The following DHX8 variants were observed in gnomAD, a reference collection of about 807,000 sequenced individuals.
DHX8 encodes the protein DEAH-box helicase 8.
In DHX8, 67 loss-of-function variants were observed where a neutral mutation model predicts 140.7. The observed-to-expected ratio is 0.48, with a 90% CI of 0.39 to 0.58. DHX8 has a LOEUF of 0.58. Among genes scored for constraint, DHX8 ranks in the 20% least tolerant of loss-of-function variants. DHX8 has a pLI of 0.00. For synonymous variants in DHX8, 533 were observed against 553.2 expected, an observed-to-expected ratio of 0.96 and a Z score of 0.51; for missense variants, 887 against 1,550.7, an observed-to-expected ratio of 0.57 and a Z score of 7.19.
Position 43,492,919 on chromosome 17 carries a change from A to G in DHX8, c.742A>G (p.Arg248Gly). Reference protein sequence around the residue: ...RDKYGERNLDRWRDKHVDRPP... With the variant: ...RDKYGERNLDGWRDKHVDRPP... ...CAAATATGGAGAGCGGAATCTGGAT[A>G]GATGGCGGGATAAGCATGTGGACCG... Residue 248 changes from arginine to glycine, a missense_variant, in exon 6 of 23, where the codon AGA becomes GGA. Physicochemically the swap from Arg to Gly is moderately radical, Grantham distance 125 (BLOSUM62 -2). Transcript: ENST00000262415. The G allele has an allele frequency of 6.2e-7, 1 of 1,614,226 alleles. No homozygotes were observed. Among genetic ancestry groups the G allele is most frequent in the Non-Finnish European group, 8.5e-7 (1 of 1,180,042 alleles).
intron 1 of DHX8, among the ~76,000 whole-genome samples, chr17:43,487,370 C>A (rs996387257): frequency 6.6e-6 from 1 of 152,172 alleles, no homozygotes; most frequent in Non-Finnish European, 1.5e-5. Flanking sequence ...TCATCTAGAT[C>A]TTTCATGTTA....
Position 43,492,686 on chromosome 17 carries a change from G to A in DHX8, c.509G>A (p.Arg170Lys). 6.5e-7 allele frequency: 1 copy of A among 1,545,900 alleles called. No individual in the cohort carries two copies. The highest frequency in any genetic ancestry group is 1.7e-5 in the Admixed American group (1 of 59,920). The change falls in exon 6 of 23, where the codon AGG (arginine) becomes AAG (lysine). Residue 170 changes from arginine (R) to lysine (K), a missense_variant. Physicochemically the swap from Arg to Lys is conservative, Grantham distance 26. Around this residue, in one of 9 missense-constraint regions of DHX8, gnomAD observed 304 missense variants for 306.9 expected, o/e 0.99. Coordinates refer to ENST00000262415, the MANE Select transcript of DHX8 (RefSeq NM_004941.3). Reference protein sequence around the residue: ...EKQRDAEHRDRTKKKKRSRSR... With the variant: ...EKQRDAEHRDKTKKKKRSRSR... ...GGTGCTTATTGATTTGTTAGGGACA[G>A]GACAAAGAAGAAGAAGCGGAGTCGA...
At chr17:43,495,734 C>G (rs762005063) in intron 8 of DHX8, among the ~76,000 whole-genome samples, 1 of 151,990 alleles carries the variant, frequency 6.6e-6, no homozygotes, top group African/African-American at 2.4e-5. Flanking sequence ...ATTTGAGCTC[C>G]CGATATCGTG....
At chr17:43,519,171 A>T (rs373013681) in intron 18 of DHX8, 1 of 152,178 alleles carries the variant, frequency 6.6e-6, no homozygotes, top group Non-Finnish European at 1.5e-5. Context: ...CTATTAAGGA[A>T]CCACCAAACT....
chr17:43,494,563 T>C (rs1968734188), intron 8 of DHX8, among the ~76,000 whole-genome samples: 1 of 151,072 alleles, frequency 6.6e-6, no homozygotes, highest in Admixed American at 6.6e-5. Context: ...CCACTAAAAA[T>C]ACAAAAAATT....
chr17:43,493,228 A>G (rs1312181586), intron 6 of DHX8, among the ~76,000 whole-genome samples, 188 bp downstream of exon 6: 1 of 152,124 alleles, frequency 6.6e-6, no homozygotes, highest in African/African-American at 2.4e-5. Context: ...TCTTCAGGAG[A>G]TCTGTCCTTT....
intron 16 of DHX8, among the ~76,000 whole-genome samples, chr17:43,511,044 T>C (rs1377395373): frequency 1.3e-5 from 2 of 152,180 alleles, no homozygotes; most frequent in African/African-American, 4.8e-5. Context: ...TTGATGGACA[T>C]TGGAGCTGAG....
intron 12 of DHX8, among the ~76,000 whole-genome samples, 167 bp from the exon 13 acceptor site, chr17:43,506,836 T>C (rs1969522709): frequency 6.6e-6 from 1 of 152,210 alleles, no homozygotes; most frequent in South Asian, 2.1e-4. Flanking sequence ...CATTGTTGAC[T>C]TCTTTAACTA....
Position 43,513,482 on chromosome 17 carries a change from G to A in DHX8, c.2623G>A (p.Val875Met), listed in dbSNP as rs758365994. The A allele has an allele frequency of 5.6e-6, 9 of 1,613,876 alleles. No individual in the cohort carries two copies. The East Asian group carries it at 6.7e-5, about 12-fold the overall frequency. The stretch of plus-strand genomic sequence containing the variant: ...TTCCAAGACAGGGATTGACCAGCTC[G>A]TGGTGACGCCTATTTCTCAGGTATG... Reference protein sequence around the residue: ...YNSKTGIDQLVVTPISQAQAK... With the variant: ...YNSKTGIDQLMVTPISQAQAK... The change falls in exon 17 of 23, where the codon GTG becomes ATG. Residue 875 changes from valine to methionine, a missense_variant. This residue lies in a region of DHX8 where 151 missense variants were observed against 388.3 expected (regional missense o/e 0.39). Transcript: ENST00000262415.
intron 3 of DHX8, among the ~76,000 whole-genome samples, chr17:43,539,080 C>T (rs1971393615): frequency 6.6e-6 from 1 of 152,220 alleles, no homozygotes; most frequent in Admixed American, 6.5e-5. Context: ...CCCTTGCTCT[C>T]CACCTAGGTG....
downstream of DHX8, chr17:43,529,554 T>C (rs149219456): frequency 1.5e-4 from 250 of 1,613,960 alleles, no homozygotes; most frequent in Admixed American, 7.0e-4. Context: ...GTCCAGGCAA[T>C]GAAATGGGCA....
chr17:43,534,846 CAGG>C, intron 2 of DHX8, among the ~76,000 whole-genome samples: 1 of 152,112 alleles, frequency 6.6e-6, no homozygotes, highest in Admixed American at 6.5e-5. Context: ...GAGGCTGAGG[CAGG>C]AGAATTGCTT....
chr17:43,537,983 AGCCG>A (rs907730451), intron 3 of DHX8, among the ~76,000 whole-genome samples: 1 of 152,086 alleles, frequency 6.6e-6, no homozygotes, highest in African/African-American at 2.4e-5. Flanking sequence ...AAAAAAAATT[AGCCG>A]GGTGTGGTGG....
At chr17:43,509,450 A>G (rs1010375309) in intron 16 of DHX8, among the ~76,000 whole-genome samples, 1 of 151,678 alleles carries the variant, frequency 6.6e-6, no homozygotes, top group African/African-American at 2.4e-5. Flanking sequence ...TATAATTTAC[A>G]TACCTTTCAA....
downstream of DHX8, chr17:43,526,817 A>T: frequency 1.4e-6 from 1 of 717,478 alleles, no homozygotes. Context: ...TGTTTCTTGC[A>T]CTAAATTATG....
downstream of DHX8, chr17:43,529,512 G>T (rs377565878): frequency 8.7e-6 from 14 of 1,611,324 alleles, no homozygotes; most frequent in Non-Finnish European, 1.2e-5. Flanking sequence ...ACCTCCTCAG[G>T]CTCAATGAGC....
At chr17:43,501,743 C>A (rs1230295750) in intron 11 of DHX8, among the ~76,000 whole-genome samples, 1 of 152,136 alleles carries the variant, frequency 6.6e-6, no homozygotes, top group African/African-American at 2.4e-5. Flanking sequence ...CCATCTCAGC[C>A]TCCCAAAGTG....
At chr17:43,496,466 T>C (rs1968865438) in intron 9 of DHX8, among the ~76,000 whole-genome samples, 198 bp downstream of exon 9, 1 of 152,164 alleles carries the variant, frequency 6.6e-6, no homozygotes, top group Non-Finnish European at 1.5e-5. Context: ...ATTATTATTA[T>C]TATACCTGTT....
In DHX8 at chr17:43,525,445, C is replaced by T; in HGVS notation, c.*1598C>T. 2.0e-6 allele frequency: 2 copies of T among 985,022 alleles called. No homozygotes were observed. The highest frequency in any genetic ancestry group is 9.4e-5 in the South Asian group (2 of 21,274). The allele number at this position is 985,022 out of a possible 1,614,324, so 61.0% of individuals were successfully genotyped here. A position where few individuals can be genotyped will look rare whatever the true frequency, so the allele number is the denominator to read the frequency against. ...CAGGCAATCTGCTGGCTGCAGATCCCTGCCCCTTCATTAAGCTGAGTGCCT... is the reference window on the plus strand; with the variant it reads ...CAGGCAATCTGCTGGCTGCAGATCCTTGCCCCTTCATTAAGCTGAGTGCCT... On this transcript the variant is annotated 3_prime_UTR_variant, in exon 23 of 23. Coordinates refer to ENST00000262415, the MANE Select transcript of DHX8 (RefSeq NM_004941.3).
Sources: allele counts gnomAD v4.1 joint callset (sites outside exome capture counted in the v4.1 genomes callset), GRCh38; gene constraint gnomAD v4.1.1; regional missense constraint gnomAD v4.1.1; transcripts MANE v1.5; gene names NCBI Gene and HGNC (gene_info 2026-07-23, HGNC 2026-07-21).